Variants in SNTB2 observed in about 807,000 individuals in gnomAD.
SNTB2 encodes the protein syntrophin beta 2.
SNTB2 carries 34 observed loss-of-function variants against 46.2 expected under a neutral mutation model. The ratio of observed to expected loss-of-function variants is 0.74; its 90% CI spans 0.56 to 0.98. The LOEUF (loss-of-function observed/expected upper bound fraction) is 0.98. Ranked by LOEUF, SNTB2 falls within the 50% of genes least tolerant of loss-of-function variation. The probability of loss-of-function intolerance (pLI) is 0.00; values close to 1 mark genes in which losing one functional copy is unlikely to be tolerated. For missense variants in SNTB2, 603 were observed against 731.4 expected (o/e 0.82, Z 2.02); for synonymous variants, 290 against 312.6 (o/e 0.93, Z 0.76).
chr16:69,278,895 T>TGTGTGTGTGC (rs1567413227), intron 4 of SNTB2, among the ~76,000 whole-genome samples: 1 of 119,794 alleles, frequency 8.3e-6, no homozygotes, highest in African/African-American at 3.5e-5. Flanking sequence ...GAAGAGTGTG[T>TGTGTGTGTGC]GTGTGTGTGT....
chr16:69,268,744 T>TG (rs1371238372), intron 3 of SNTB2, among the ~76,000 whole-genome samples: 1 of 148,830 alleles, frequency 6.7e-6, no homozygotes, highest in Non-Finnish European at 1.5e-5. Flanking sequence ...ATGCACCTAT[T>TG]GTCCCAGCTC....
intron 1 of SNTB2, among the ~76,000 whole-genome samples, chr16:69,227,454 G>A (rs1322498783): frequency 2.0e-5 from 3 of 152,180 alleles, no homozygotes; most frequent in Non-Finnish European, 2.9e-5. Context: ...CACTGTCACA[G>A]AAATATTGGG....
intron 4 of SNTB2, among the ~76,000 whole-genome samples, chr16:69,280,783 G>A (rs575082030): frequency 1.6e-4 from 24 of 151,820 alleles, no homozygotes; most frequent in African/African-American, 5.5e-4. Context: ...TTTGTCCGCA[G>A]CTTGTCTTTT....
chr16:69,246,062 A>C (rs1964667740), intron 2 of SNTB2, among the ~76,000 whole-genome samples: 1 of 152,186 alleles, frequency 6.6e-6, no homozygotes, highest in Non-Finnish European at 1.5e-5. Flanking sequence ...AATAAGACTA[A>C]AGGGGTGAAA....
chr16:69,254,966 G>A (rs1199270207), intron 2 of SNTB2, among the ~76,000 whole-genome samples: 1 of 152,072 alleles, frequency 6.6e-6, no homozygotes, highest in Admixed American at 6.6e-5. Context: ...CCAGTAATCT[G>A]TGTCCCTACT....
intron 1 of SNTB2, among the ~76,000 whole-genome samples, chr16:69,188,345 G>C (rs1379170700): frequency 1.3e-5 from 2 of 152,224 alleles, no homozygotes; most frequent in Non-Finnish European, 2.9e-5. Flanking sequence ...AGGCTCACGT[G>C]TTTGAACATT....
intron 1 of SNTB2, among the ~76,000 whole-genome samples, chr16:69,192,766 A>G (rs1964067441): frequency 6.6e-6 from 1 of 152,216 alleles, no homozygotes; most frequent in African/African-American, 2.4e-5. Context: ...TGTAAAAACA[A>G]AACTCGTGAA....
At position 69,268,945 on chromosome 16, in the gene SNTB2, G is replaced by A. The variant is rs999245603; in HGVS notation, c.1006-1198G>A. Reference sequence around the variant, plus strand: ...AACACTTTGGGAGGCCAAGGTGGGCGGATCATCTAAGATCAGGAGTTTGAG... The same window carrying A: ...AACACTTTGGGAGGCCAAGGTGGGCAGATCATCTAAGATCAGGAGTTTGAG... On this transcript the variant is annotated intron_variant, in intron 3 of 6. Transcript: ENST00000336278. 4.6e-5 allele frequency among the ~76,000 whole-genome samples: 7 copies of A among 151,998 alleles called. No homozygotes were observed. The East Asian group carries it at 5.8e-4, about 13-fold the overall frequency.
chr16:69,283,999 T>G (rs1965075421), intron 4 of SNTB2, 49 bp from the exon 5 acceptor site: 1 of 1,479,614 alleles, frequency 6.8e-7, no homozygotes, highest in African/African-American at 1.4e-5. Flanking sequence ...CTGACATTTT[T>G]GTCTGATAAT....
Position 69,303,873 on chromosome 16 carries a change from C to T in SNTB2, c.*2949C>T, listed in dbSNP as rs886436253. On this transcript the variant is annotated 3_prime_UTR_variant, in exon 7 of 7. Transcript: ENST00000336278. ...TTTTTTATAGAACCAGCTCACTTTT[C>T]ATTTCTTTTTCATTTTGAATTAAGA... The T allele has an allele frequency of 6.6e-6, 1 of 152,430 alleles. No individual in the cohort carries two copies. The highest frequency in any genetic ancestry group is 2.4e-5 in the African/African-American group (1 of 41,438). The allele number at this position is 152,430 out of a possible 1,614,324, so 9.4% of individuals were successfully genotyped here. A position where few individuals can be genotyped will look rare whatever the true frequency, so the allele number is the denominator to read the frequency against.
At chr16:69,207,945 C>A (rs985712933) in intron 1 of SNTB2, among the ~76,000 whole-genome samples, 1 of 137,222 alleles carries the variant, frequency 7.3e-6, no homozygotes, top group South Asian at 2.2e-4. Flanking sequence ...CCCATCTCAA[C>A]TAAAAATACA....
At chr16:69,207,413 C>T (rs1382967460) in intron 1 of SNTB2, among the ~76,000 whole-genome samples, 3 of 152,054 alleles carry the variant, frequency 2.0e-5, no homozygotes, top group African/African-American at 7.2e-5. Context: ...CTGCCTTGGC[C>T]TCCCAAAGTG....
intron 5 of SNTB2, among the ~76,000 whole-genome samples, chr16:69,288,014 GA>G (rs201382672): frequency 7.5e-5 from 11 of 146,350 alleles, no homozygotes; most frequent in African/African-American, 1.0e-4. Context: ...CATCTCTATT[GA>G]AAAAAAAAAG....
In SNTB2 at chr16:69,300,882, G is replaced by A. The variant is rs763339742; in HGVS notation, c.1581G>A (p.Thr527=). ...AGCCGATTGTATTTGTGTTGCACAC[G>A]TTTTTATCGGCCAAAGTCACTCGTA... The part of the protein sequence containing the change: ...CPKPIVFVLH[T]FLSAKVTRMG... The change falls in exon 7 of 7, where the codon ACG becomes ACA. Residue 527 remains threonine, a synonymous_variant. Transcript: ENST00000336278. 9.9e-6 allele frequency: 16 copies of A among 1,613,588 alleles called. No homozygotes were observed. The highest frequency in any genetic ancestry group is 2.2e-5 in the East Asian group (1 of 44,872).
chr16:69,288,662 G>C (rs1429614635), intron 5 of SNTB2, among the ~76,000 whole-genome samples: 2 of 152,156 alleles, frequency 1.3e-5, no homozygotes, highest in African/African-American at 4.8e-5. Context: ...TAGAACTACT[G>C]TATGATCTAG....
intron 2 of SNTB2, among the ~76,000 whole-genome samples, chr16:69,247,471 G>GAT (rs1964681827): frequency 6.6e-6 from 1 of 152,156 alleles, no homozygotes; most frequent in Non-Finnish European, 1.5e-5. Context: ...TGATCTTAAT[G>GAT]CACAGCCAGG....
rs1219689933 is a variant in SNTB2 at position 69,245,704 on chromosome 16, G to A, written c.683G>A (p.Ser228Asn). Residue 228 changes from serine (S) to asparagine (N), a missense_variant, in exon 2 of 7, where the codon AGT becomes AAT. Physicochemically the swap from Ser to Asn is conservative, Grantham distance 46. This residue lies in a region of SNTB2 where 537 missense variants were observed against 692.4 expected (regional missense o/e 0.78). Coordinates refer to ENST00000336278, the MANE Select transcript of SNTB2 (RefSeq NM_006750.4). ...AAPQSPSFSG[S>N]EDSGSPKHQN... ...CCCCAGTCACCAAGCTTTAGTGGCA[G>A]TGAGGACTCTGGTTCGCCAAAACAC... The A allele has an allele frequency of 4.3e-6, 7 of 1,614,040 alleles. No individual in the cohort carries two copies. Among genetic ancestry groups the A allele is most frequent in the East Asian group, 2.2e-5 (1 of 44,888 alleles).
intron 1 of SNTB2, among the ~76,000 whole-genome samples, chr16:69,212,234 T>C (rs76671266): frequency 0.05 from 7,551 of 152,246 alleles, 262 homozygotes; most frequent in Non-Finnish European, 0.071. Context: ...CTCTTCTACT[T>C]GTCTTTTAAT....
intron 4 of SNTB2, among the ~76,000 whole-genome samples, chr16:69,271,147 T>G (rs1964933586): frequency 6.6e-6 from 1 of 152,178 alleles, no homozygotes; most frequent in Non-Finnish European, 1.5e-5. Context: ...ACTTGCCACA[T>G]ATATTATTCT....
Sources: gnomAD v4.1 joint callset for allele counts (sites outside exome capture counted in the v4.1 genomes callset) on GRCh38, gnomAD v4.1.1 for gene constraint, gnomAD v4.1.1 regional missense constraint, MANE v1.5 for transcripts, NCBI Gene and HGNC (gene_info 2026-07-23, HGNC 2026-07-21) for gene names.